Variants in AKR1C8 observed in about 807,000 individuals in gnomAD.
AKR1C8 encodes the protein aldo-keto reductase family 1 member C8.
the AKR1C8 span, among the ~76,000 whole-genome samples, chr10:5,131,677 A>AAAAAAC: frequency 5.3e-5 from 8 of 152,256 alleles, no homozygotes; most frequent in Admixed American, 1.3e-4. Flanking sequence ...AAAGTAAAAA[A>AAAAAAC]AAAAACAAAA....
At chr10:5,161,061 A>ATG in the AKR1C8 span, among the ~76,000 whole-genome samples, 2 of 152,026 alleles carry the variant, frequency 1.3e-5, no homozygotes, top group African/African-American at 4.8e-5. Context: ...GTGTATATAT[A>ATG]TGTGTGTGGG....
At chr10:5,144,113 C>T in the AKR1C8 span, among the ~76,000 whole-genome samples, 2 of 152,230 alleles carry the variant, frequency 1.3e-5, no homozygotes, top group East Asian at 3.9e-4. Context: ...TTTCCCGGCA[C>T]CATTTATTAA....
chr10:5,161,652 G>A, the AKR1C8 span: 1 of 530,786 alleles, frequency 1.9e-6, no homozygotes, highest in South Asian at 1.4e-5. Flanking sequence ...TTAAGGCTGG[G>A]GGACAAGGAT....
At chr10:5,124,260 CAAT>C in the AKR1C8 span, among the ~76,000 whole-genome samples, 95 of 152,096 alleles carry the variant, frequency 6.2e-4, 1 homozygote, top group Non-Finnish European at 2.4e-4. Context: ...ACATCAAAAA[CAAT>C]AATAAGTAAA....
chr10:5,161,755 C>T, the AKR1C8 span: 1 of 534,724 alleles, frequency 1.9e-6, no homozygotes, highest in Non-Finnish European at 3.8e-6. Context: ...ATCTGCCTCT[C>T]TCAGGAAGAA....
the AKR1C8 span, among the ~76,000 whole-genome samples, chr10:5,130,980 T>A: frequency 1.3e-5 from 2 of 151,852 alleles, no homozygotes; most frequent in Non-Finnish European, 2.9e-5. Flanking sequence ...GAGCATAGTA[T>A]TAATATAAAA....
the AKR1C8 span, among the ~76,000 whole-genome samples, chr10:5,156,112 C>T: frequency 6.6e-6 from 1 of 152,178 alleles, no homozygotes; most frequent in African/African-American, 2.4e-5. Context: ...GACATGTCCA[C>T]ACTTGGTCAG....
chr10:5,136,533 G>C, the AKR1C8 span, among the ~76,000 whole-genome samples: 1 of 152,134 alleles, frequency 6.6e-6, no homozygotes, highest in African/African-American at 2.4e-5. Context: ...CATGATCCAT[G>C]ATTAACATCC....
the AKR1C8 span, among the ~76,000 whole-genome samples, chr10:5,169,011 A>G: frequency 1.3e-5 from 2 of 152,118 alleles, no homozygotes; most frequent in African/African-American, 4.8e-5. Context: ...TCCTGATTCA[A>G]TTGAGGGACA....
chr10:5,159,960 C>T, the AKR1C8 span: 1 of 372,786 alleles, frequency 2.7e-6, no homozygotes, highest in Non-Finnish European at 5.8e-6. Context: ...AAATTGGACA[C>T]CCCAATGGAC....
the AKR1C8 span, among the ~76,000 whole-genome samples, chr10:5,134,188 T>C: frequency 6.6e-6 from 1 of 152,160 alleles, no homozygotes; most frequent in Non-Finnish European, 1.5e-5. Context: ...GATCTTCTCT[T>C]TGCTGTGGAG....
At chr10:5,169,736 A>G in the AKR1C8 span, among the ~76,000 whole-genome samples, 2 of 152,070 alleles carry the variant, frequency 1.3e-5, no homozygotes, top group Admixed American at 1.3e-4. Context: ...GAGTGAGTGA[A>G]GCATTTCTCA....
chr10:5,123,667 C>T, the AKR1C8 span: 1 of 1,531,770 alleles, frequency 6.5e-7, no homozygotes, highest in African/African-American at 1.4e-5. Context: ...TAAAATACTT[C>T]ATCAAAATGG....
At chr10:5,146,358 GA>G in the AKR1C8 span, among the ~76,000 whole-genome samples, 5 of 151,428 alleles carry the variant, frequency 3.3e-5, no homozygotes, top group East Asian at 3.9e-4. Flanking sequence ...AATAAAAGAA[GA>G]AAAAAAATTA....
chr10:5,179,683 T>A, the AKR1C8 span, among the ~76,000 whole-genome samples: 2 of 150,980 alleles, frequency 1.3e-5, no homozygotes, highest in Non-Finnish European at 3.0e-5. Flanking sequence ...CTTTTTATTC[T>A]TTTTTCTCTA....
chr10:5,162,591 C>A, the AKR1C8 span, among the ~76,000 whole-genome samples: 2 of 152,190 alleles, frequency 1.3e-5, no homozygotes, highest in East Asian at 3.8e-4. Context: ...CCCATAGTGG[C>A]TTGGTTAATC....
chr10:5,156,734 A>G, the AKR1C8 span, among the ~76,000 whole-genome samples: 9 of 152,304 alleles, frequency 5.9e-5, no homozygotes, highest in South Asian at 1.2e-3. Context: ...AGTTGTCACA[A>G]TGAGATTTAG....
chr10:5,130,415 G>T, the AKR1C8 span, among the ~76,000 whole-genome samples: 1 of 151,844 alleles, frequency 6.6e-6, no homozygotes, highest in African/African-American at 2.4e-5. Context: ...AATCCTGGAG[G>T]TCCTAGCCAG....
At chr10:5,152,025 T>C in the AKR1C8 span, among the ~76,000 whole-genome samples, 2 of 152,176 alleles carry the variant, frequency 1.3e-5, no homozygotes, top group Admixed American at 6.5e-5. Flanking sequence ...AAGGTTTGCA[T>C]GACAAAGGCA....
Sources: allele counts gnomAD v4.1 joint callset (sites outside exome capture counted in the v4.1 genomes callset), GRCh38; gene constraint gnomAD v4.1.1; transcripts MANE v1.5; gene names NCBI Gene and HGNC (gene_info 2026-07-23, HGNC 2026-07-21).